Variants in PKP4 observed in about 807,000 individuals in gnomAD.
The protein encoded by PKP4 is plakophilin-4.
Under a neutral mutation model 145.1 loss-of-function variants are expected in PKP4, and 90 were observed. The observed-to-expected ratio is 0.62, with a 90% CI of 0.52 to 0.74. PKP4 has a LOEUF of 0.74. PKP4 is among the 30% of genes least tolerant of loss of function. The probability of loss-of-function intolerance (pLI) is 0.00; values close to 1 mark genes in which losing one functional copy is unlikely to be tolerated. For missense variants in PKP4, 1,340 were observed against 1,482.7 expected, an observed-to-expected ratio of 0.90 and a Z score of 1.58; for synonymous variants, 563 against 577.2, an observed-to-expected ratio of 0.98 and a Z score of 0.35.
At chr2:158,586,161 A>G (rs1053813488) in intron 3 of PKP4, among the ~76,000 whole-genome samples, 1 of 152,022 alleles carries the variant, frequency 6.6e-6, no homozygotes, top group African/African-American at 2.4e-5. Flanking sequence ...CATTTTATTT[A>G]TTAGGCATCA....
intron 1 of PKP4, among the ~76,000 whole-genome samples, chr2:158,497,900 A>G (rs1370432469): frequency 6.6e-6 from 1 of 152,210 alleles, no homozygotes; most frequent in African/African-American, 2.4e-5. Context: ...TATACAGTCA[A>G]AATCTCCCAA....
intron 2 of PKP4, among the ~76,000 whole-genome samples, chr2:158,540,926 A>T (rs1047162864): frequency 2.6e-5 from 4 of 152,132 alleles, no homozygotes; most frequent in Non-Finnish European, 5.9e-5. Flanking sequence ...CAGTTGAATA[A>T]TCCAGTTTAC....
intron 3 of PKP4, among the ~76,000 whole-genome samples, chr2:158,589,282 T>G (rs2049054012): frequency 6.6e-6 from 1 of 152,184 alleles, no homozygotes. Flanking sequence ...GATTTGGTTT[T>G]ATTTATTGTA....
rs58108158 is a variant in PKP4, at chr2:158,496,759, CGTGTGTGTGTGTGT to C, written c.-5-36398_-5-36385del. Among the ~76,000 whole-genome samples the C allele has an allele frequency of 5.0e-3, 719 of 144,950 alleles. 1 individual carries two copies. Among genetic ancestry groups the C allele is most frequent in the African/African-American group, 0.017 (653 of 39,504 alleles). On this transcript the variant is annotated intron_variant, in intron 1 of 21. Coordinates refer to ENST00000389759, the MANE Select transcript of PKP4 (RefSeq NM_003628.6). ...CTCACTCTCTCTCGCCTTCTCTCTC[CGTGTGTGTGTGTGT>C]GTGTGTGTGTGTGTGTGTGTGTCTG...
At chr2:158,473,572 C>T (rs1468021969) in intron 1 of PKP4, among the ~76,000 whole-genome samples, 2 of 151,960 alleles carry the variant, frequency 1.3e-5, no homozygotes, top group Non-Finnish European at 2.9e-5. Flanking sequence ...AACCAAATAC[C>T]ATATATTCTC....
chr2:158,476,176 G>C (rs1343346373), intron 1 of PKP4, among the ~76,000 whole-genome samples: 1 of 152,126 alleles, frequency 6.6e-6, no homozygotes, highest in Non-Finnish European at 1.5e-5. Flanking sequence ...GTACACATGC[G>C]ATTGTATCTT....
Position 158,621,108 on chromosome 2 carries a change from C to G in PKP4, c.399C>G (p.Leu133=), listed in dbSNP as rs748893814. The part of the protein sequence containing the change: ...GTLYSPEQTS[L]HESEGSLGNS... ...TCTATTCACCAGAACAGACATCTCT[C>G]CATGAAAGTGAGGGTCTGTTGTGTT... The change falls in exon 5 of 22, where the codon CTC becomes CTG. Residue 133 remains leucine, a synonymous_variant. Coordinates refer to ENST00000389759, the MANE Select transcript of PKP4 (RefSeq NM_003628.6). 6.2e-7 allele frequency: 1 copy of G among 1,614,162 alleles called. No individual in the cohort carries two copies. Among genetic ancestry groups the G allele is most frequent in the Non-Finnish European group, 8.5e-7 (1 of 1,180,016 alleles).
intron 7 of PKP4, among the ~76,000 whole-genome samples, chr2:158,628,959 C>A (rs1053775539): frequency 2.0e-5 from 3 of 152,060 alleles, no homozygotes; most frequent in Admixed American, 2.0e-4. Context: ...TACAATAGCA[C>A]CTCATAATGA....
intron 2 of PKP4, among the ~76,000 whole-genome samples, chr2:158,569,899 A>G (rs918966627): frequency 1.3e-5 from 2 of 152,166 alleles, no homozygotes; most frequent in African/African-American, 4.8e-5. Context: ...TTGACCCGGA[A>G]CCCTTCCTTT....
intron 1 of PKP4, among the ~76,000 whole-genome samples, chr2:158,498,557 G>A (rs1336682981): frequency 6.6e-6 from 1 of 152,126 alleles, no homozygotes; most frequent in Non-Finnish European, 1.5e-5. Flanking sequence ...TTTCTCTTCA[G>A]CATTCCTTTT....
At chr2:158,630,660 G>A (rs1367021627) in intron 7 of PKP4, among the ~76,000 whole-genome samples, 1 of 152,200 alleles carries the variant, frequency 6.6e-6, no homozygotes, top group Non-Finnish European at 1.5e-5. Context: ...ATTCAAAGAG[G>A]TGCGAGATGG....
chr2:158,670,490 T>C (rs2057461485), intron 17 of PKP4, among the ~76,000 whole-genome samples: 1 of 152,152 alleles, frequency 6.6e-6, no homozygotes, highest in Non-Finnish European at 1.5e-5. Context: ...ACATATGAAC[T>C]TTGGAAGGGA....
In PKP4 at chr2:158,634,203, C is replaced by T. The variant is rs1255698840; in HGVS notation, c.1476C>T (p.Cys492=). ...YRPIQYRVQE[C]NYNRLQHAVP... ...CTATACAATACCGAGTGCAAGAGTGCAATTATAACAGGCTTCAGCATGCAG... is the reference window on the plus strand; with the variant it reads ...CTATACAATACCGAGTGCAAGAGTGTAATTATAACAGGCTTCAGCATGCAG... Residue 492 remains cysteine, a synonymous_variant, in exon 9 of 22, where the codon TGC becomes TGT. Coordinates refer to ENST00000389759, the MANE Select transcript of PKP4 (RefSeq NM_003628.6). 2.5e-6 allele frequency: 4 copies of T among 1,614,002 alleles called. No homozygotes were observed. Among genetic ancestry groups the T allele is most frequent in the Non-Finnish European group, 3.4e-6 (4 of 1,179,962 alleles).
In PKP4 at chr2:158,640,979, G is replaced by A. The variant is rs183102115; in HGVS notation, c.1695+220G>A. Among the ~76,000 whole-genome samples the A allele has an allele frequency of 2.4e-3, 365 of 152,240 alleles. 1 individual carries two copies. The highest frequency in any genetic ancestry group is 4.7e-3 in the Non-Finnish European group (320 of 68,022). On this transcript the variant is annotated intron_variant, in intron 10 of 21. Transcript: ENST00000389759. ...GGAGTGCTTTCAGCATTTTCAAATC[G>A]TATGTCTACTTCATTAGCTTATTTA...
chr2:158,473,374 C>T (rs1457900571), intron 1 of PKP4, among the ~76,000 whole-genome samples: 1 of 152,192 alleles, frequency 6.6e-6, no homozygotes, highest in Non-Finnish European at 1.5e-5. Context: ...TTCATTGCAG[C>T]ACTATTCATA....
At chr2:158,468,770 C>CTTTTTTTTTTT (rs58577988) in intron 1 of PKP4, among the ~76,000 whole-genome samples, 25 of 109,960 alleles carry the variant, frequency 2.3e-4, no homozygotes, top group Non-Finnish European at 3.0e-4. Flanking sequence ...TCTTCTTCTT[C>CTTTTTTTTTTT]TTTTTTTTTT....
At chr2:158,472,301 T>TTAAATC (rs143311068) in intron 1 of PKP4, among the ~76,000 whole-genome samples, 1 of 151,674 alleles carries the variant, frequency 6.6e-6, no homozygotes, top group Non-Finnish European at 1.5e-5. Context: ...CTAAAAAATT[T>TTAAATC]AAAATGAATT....
intron 2 of PKP4, among the ~76,000 whole-genome samples, chr2:158,536,603 T>C (rs569727659): frequency 6.6e-6 from 1 of 152,320 alleles, no homozygotes; most frequent in East Asian, 1.9e-4. Context: ...CATAAAACAG[T>C]GAAATCTTTC....
chr2:158,538,570 C>T (rs539015751), intron 2 of PKP4, among the ~76,000 whole-genome samples: 42 of 137,308 alleles, frequency 3.1e-4, no homozygotes, highest in East Asian at 8.6e-4. Flanking sequence ...GACAGACTCT[C>T]GCTCTGTCAT....
Sources: gnomAD v4.1 joint callset for allele counts (sites outside exome capture counted in the v4.1 genomes callset) on GRCh38, gnomAD v4.1.1 for gene constraint, MANE v1.5 for transcripts, NCBI Gene and HGNC (gene_info 2026-07-23, HGNC 2026-07-21) for gene names.